IL19: variants seen among roughly 807,000 people sequenced by gnomAD.
The protein encoded by IL19 is interleukin-19.
Under a neutral mutation model 19.5 loss-of-function variants are expected in IL19, and 15 were observed. The observed-to-expected ratio is 0.77, with a 90% confidence interval of 0.52 to 1.19. IL19 has a LOEUF of 1.19. IL19 is among the 50% of genes most tolerant of loss of function. The pLI is 0.00. For missense variants in IL19, 199 were observed against 213.1 expected (o/e 0.93, Z 0.41); for synonymous variants, 78 against 78.3 (o/e 1.00, Z 0.02).
At position 206,799,004 on chromosome 1, in the gene IL19, G is replaced by A. The variant is rs762542493; in HGVS notation, c.-5G>A. The A allele has an allele frequency of 1.1e-5, 18 of 1,605,802 alleles. No individual in the cohort carries two copies. The highest frequency in any genetic ancestry group is 8.0e-5 in the African/African-American group (6 of 74,694). Reference sequence around the variant, plus strand: ...CCAGTGCTTTGGGGCTCTGTTCCACGGGGTAAGTAATTTCTGCTATAGGGA... The same window carrying A: ...CCAGTGCTTTGGGGCTCTGTTCCACAGGGTAAGTAATTTCTGCTATAGGGA... On this transcript the variant is annotated splice_region_variant and 5_prime_UTR_variant, in exon 2 of 7. Coordinates refer to ENST00000659997, the MANE Select transcript of IL19 (RefSeq NM_153758.5).
intron 2 of IL19, among the ~76,000 whole-genome samples, chr1:206,814,378 A>C (rs1676093523): frequency 6.6e-6 from 1 of 151,416 alleles, no homozygotes; most frequent in African/African-American, 2.4e-5. Context: ...AGCATTCTGC[A>C]GAGGATAATG....
intron 2 of IL19, among the ~76,000 whole-genome samples, chr1:206,810,992 C>T (rs1055729418): frequency 1.3e-5 from 2 of 152,206 alleles, no homozygotes; most frequent in African/African-American, 4.8e-5. Flanking sequence ...TCACCAGAAG[C>T]AGATGCCAGT....
intron 2 of IL19, chr1:206,829,168 G>A (rs886612230): frequency 1.3e-5 from 2 of 152,130 alleles, no homozygotes; most frequent in African/African-American, 4.8e-5. Flanking sequence ...TTTCTTAAAA[G>A]GACTCTCCCC....
chr1:206,799,878 G>A (rs1314317749), intron 2 of IL19, among the ~76,000 whole-genome samples: 2 of 152,152 alleles, frequency 1.3e-5, no homozygotes, highest in Non-Finnish European at 2.9e-5. Flanking sequence ...AATACCCACA[G>A]CACTTTCTCT....
intron 1 of IL19, among the ~76,000 whole-genome samples, chr1:206,795,745 G>T (rs1030257634): frequency 7.2e-5 from 11 of 152,088 alleles, no homozygotes; most frequent in Non-Finnish European, 1.5e-4. Context: ...CTGCCCTCAA[G>T]TTATCCCCCA....
chr1:206,802,812 C>T (rs1357733512), intron 2 of IL19, among the ~76,000 whole-genome samples: 4 of 152,072 alleles, frequency 2.6e-5, no homozygotes, highest in East Asian at 1.9e-4. Context: ...GAACTGGATC[C>T]CCAATCAAGG....
chr1:206,789,453 T>C (rs1675341072), intron 1 of IL19, among the ~76,000 whole-genome samples: 1 of 152,246 alleles, frequency 6.6e-6, no homozygotes, highest in South Asian at 2.1e-4. Context: ...TTTTGATTCC[T>C]GAGTTATATC....
At chr1:206,814,984 A>G (rs1676116350) in intron 2 of IL19, among the ~76,000 whole-genome samples, 1 of 152,168 alleles carries the variant, frequency 6.6e-6, no homozygotes, top group Non-Finnish European at 1.5e-5. Context: ...TTTGCTCACA[A>G]ATATACAATC....
At chr1:206,814,690 T>TCACACACACACA (rs34474731) in intron 2 of IL19, among the ~76,000 whole-genome samples, 69 of 140,566 alleles carry the variant, frequency 4.9e-4, no homozygotes, top group East Asian at 4.0e-3. Flanking sequence ...TGAAACTCTG[T>TCACACACACACA]CACACACACA....
At chr1:206,780,270 G>A (rs779427098) in intron 1 of IL19, among the ~76,000 whole-genome samples, 1 of 152,176 alleles carries the variant, frequency 6.6e-6, no homozygotes, top group Non-Finnish European at 1.5e-5. Flanking sequence ...CGAGGGCAGG[G>A]CCTGTATCTG....
chr1:206,781,408 C>T (rs1436913817), intron 1 of IL19, among the ~76,000 whole-genome samples: 1 of 98,012 alleles, frequency 1.0e-5, no homozygotes. Context: ...GAGCAAGACT[C>T]TGTCTCAAAA....
At position 206,771,066 on chromosome 1, in the gene IL19, G is replaced by A. The variant is rs549828182; in HGVS notation, c.-161G>A. The A allele has an allele frequency of 1.2e-6, 2 of 1,613,936 alleles. No homozygotes were observed. The highest frequency in any genetic ancestry group is 1.3e-5 in the African/African-American group (1 of 74,902). On this transcript the variant is annotated 5_prime_UTR_variant, in exon 1 of 7. Coordinates refer to ENST00000659997, the MANE Select transcript of IL19 (RefSeq NM_153758.5). The stretch of plus-strand genomic sequence containing the variant: ...CTTGGCAACCCAGGTAACCCTAAGG[G>A]CAGGAGCCAAAGGTGAGTGAGAGAT...
chr1:206,804,813 C>T (rs565940242), intron 2 of IL19, among the ~76,000 whole-genome samples: 4 of 152,314 alleles, frequency 2.6e-5, no homozygotes, highest in African/African-American at 9.6e-5. Flanking sequence ...CTGTTCAAAC[C>T]TGAAATTCTC....
At chr1:206,819,086 C>T (rs572827660) in intron 2 of IL19, among the ~76,000 whole-genome samples, 84 of 151,510 alleles carry the variant, frequency 5.5e-4, no homozygotes, top group African/African-American at 1.8e-3. Context: ...GCTGGGATTA[C>T]AGGCGTGAGC....
At chr1:206,807,878 A>T (rs1675889505) in intron 2 of IL19, among the ~76,000 whole-genome samples, 1 of 152,196 alleles carries the variant, frequency 6.6e-6, no homozygotes, top group African/African-American at 2.4e-5. Flanking sequence ...GAAAGAAGTT[A>T]TGGGAATTGA....
At chr1:206,791,307 T>C (rs1675397409) in intron 1 of IL19, among the ~76,000 whole-genome samples, 1 of 151,352 alleles carries the variant, frequency 6.6e-6, no homozygotes, top group Non-Finnish European at 1.5e-5. Context: ...TTAGGTTTTT[T>C]TTTTTTTTTT....
chr1:206,833,378 T>C (rs1676675687), intron 2 of IL19, among the ~76,000 whole-genome samples: 1 of 152,262 alleles, frequency 6.6e-6, no homozygotes, highest in Non-Finnish European at 1.5e-5. Context: ...GGCTATTATC[T>C]TTCTCTCTCC....
intron 1 of IL19, among the ~76,000 whole-genome samples, chr1:206,783,631 C>T (rs963591271): frequency 2.0e-5 from 3 of 152,194 alleles, no homozygotes; most frequent in Non-Finnish European, 4.4e-5. Flanking sequence ...AAGTGCCTTC[C>T]CCACTTTGCT....
intron 1 of IL19, among the ~76,000 whole-genome samples, chr1:206,791,914 T>C (rs1334298150): frequency 6.6e-6 from 1 of 152,114 alleles, no homozygotes; most frequent in Non-Finnish European, 1.5e-5. Context: ...AATTGGAATG[T>C]TCCTGGTCCT....
Sources: gnomAD v4.1 joint callset for allele counts (sites outside exome capture counted in the v4.1 genomes callset) on GRCh38, gnomAD v4.1.1 for gene constraint, MANE v1.5 for transcripts, NCBI Gene and HGNC (gene_info 2026-07-23, HGNC 2026-07-21) for gene names.